The following PDE11A variants were observed in gnomAD, a reference collection of about 807,000 sequenced individuals.
PDE11A encodes phosphodiesterase 11A.
A neutral mutation model predicts 100.5 loss-of-function variants in PDE11A; 100 were observed. The observed-to-expected ratio is 1.00, with a 90% CI of 0.85 to 1.18. The LOEUF is 1.18. Among genes scored for constraint, PDE11A ranks in the 50% most tolerant of loss-of-function variants. The pLI is 0.00. For synonymous variants in PDE11A, 381 were observed against 420.8 expected (o/e 0.91, Z 1.16); for missense variants, 1,141 against 1,152.6 (o/e 0.99, Z 0.15).
chr2:177,990,209 A>G (rs1450883050), intron 2 of PDE11A, among the ~76,000 whole-genome samples: 1 of 152,242 alleles, frequency 6.6e-6, no homozygotes, highest in Non-Finnish European at 1.5e-5. Flanking sequence ...TACTCTTTTC[A>G]GAAAGAAACA....
At chr2:177,959,006 G>T (rs151232150) in intron 2 of PDE11A, among the ~76,000 whole-genome samples, 2 of 152,332 alleles carry the variant, frequency 1.3e-5, no homozygotes, top group East Asian at 3.9e-4. Flanking sequence ...TGCCATAGTG[G>T]AGGAGGTAGA....
In PDE11A at chr2:177,947,566, C is replaced by T. The variant is rs577154787; in HGVS notation, c.1072-42379G>A. Among the ~76,000 whole-genome samples the T allele has an allele frequency of 6.3e-4, 96 of 151,934 alleles. 1 individual carries two copies. Among genetic ancestry groups the T allele is most frequent in the African/African-American group, 2.1e-3 (89 of 41,486 alleles). On this transcript the variant is annotated intron_variant, in intron 2 of 19. Transcript: ENST00000286063. ...GCTTTGTTAAACAGATGCTTGAAGG[C>T]AGCATGCTCGTTAAGAGTCATCACC...
chr2:177,970,393 G>A (rs189638186), intron 2 of PDE11A, among the ~76,000 whole-genome samples: 16 of 152,102 alleles, frequency 1.1e-4, no homozygotes, highest in Admixed American at 3.3e-4. Flanking sequence ...AGGTCACATC[G>A]ATAGACTTTG....
chr2:177,663,645 G>C (rs770976119), intron 19 of PDE11A, among the ~76,000 whole-genome samples: 2 of 152,088 alleles, frequency 1.3e-5, no homozygotes, highest in Non-Finnish European at 2.9e-5. Flanking sequence ...GGCCCATGGA[G>C]ATTATATCCT....
intron 2 of PDE11A, among the ~76,000 whole-genome samples, chr2:177,920,666 T>C (rs1369676503): frequency 6.6e-6 from 1 of 152,190 alleles, no homozygotes; most frequent in Non-Finnish European, 1.5e-5. Flanking sequence ...ACAATTCTAT[T>C]CTTAGAAATT....
Position 178,071,977 on chromosome 2 carries a change from C to A in PDE11A, c.461G>T (p.Arg154Leu), listed in dbSNP as rs1457688906. 7 of 1,613,918 alleles carry A rather than the reference C, an allele frequency of 4.3e-6. No individual in the cohort carries two copies. Among genetic ancestry groups the A allele is most frequent in the Non-Finnish European group, 5.9e-6 (7 of 1,179,918 alleles). ...RAQEPLSSVRRRALLRKASSL... is the reference protein window; with the variant it reads ...RAQEPLSSVRLRALLRKASSL... ...GCTTGCCTTCCGGAGAAGTGCCCTCCGTCGTACACTACTCAGGGGTTCCTG... is the reference window on the plus strand; with the variant it reads ...GCTTGCCTTCCGGAGAAGTGCCCTCAGTCGTACACTACTCAGGGGTTCCTG... Residue 154 changes from arginine (R) to leucine (L), a missense_variant, in exon 1 of 20, where the codon CGG (arginine) becomes CTG (leucine). By Grantham distance (102) the Arg-to-Leu change is moderately radical (BLOSUM62 -2). Coordinates refer to ENST00000286063, the MANE Select transcript of PDE11A (RefSeq NM_016953.4).
At chr2:177,899,391 A>C (rs905471468) in intron 3 of PDE11A, 5 of 185,738 alleles carry the variant, frequency 2.7e-5, no homozygotes, top group Non-Finnish European at 6.0e-5. Context: ...TGGACAACAG[A>C]GTGAGACTCT....
chr2:177,940,195 G>A (rs189523325), intron 2 of PDE11A, among the ~76,000 whole-genome samples: 73 of 152,184 alleles, frequency 4.8e-4, no homozygotes, highest in South Asian at 1.5e-3. Flanking sequence ...TATCTAATCT[G>A]CACAGGATGA....
intron 2 of PDE11A, among the ~76,000 whole-genome samples, chr2:177,992,449 AAGT>A: frequency 7.0e-6 from 1 of 143,718 alleles, no homozygotes; most frequent in Admixed American, 7.1e-5. Context: ...TGGTAAACAG[AAGT>A]TACCAAAATA....
intron 13 of PDE11A, among the ~76,000 whole-genome samples, chr2:177,701,649 G>A (rs1260018470): frequency 1.3e-5 from 2 of 152,224 alleles, no homozygotes; most frequent in African/African-American, 4.8e-5. Context: ...GATCAGGGAA[G>A]CTTCATGAAC....
intron 13 of PDE11A, among the ~76,000 whole-genome samples, chr2:177,706,889 G>GT: frequency 1.3e-5 from 1 of 78,986 alleles, no homozygotes; most frequent in South Asian, 4.1e-4. Context: ...GGGGACCTCG[G>GT]TTTTTGTTTT....
chr2:177,930,888 A>G (rs2085196312), intron 2 of PDE11A, among the ~76,000 whole-genome samples: 1 of 152,232 alleles, frequency 6.6e-6, no homozygotes, highest in African/African-American at 2.4e-5. Context: ...GCTTAGCCTC[A>G]ACTGGTCTCT....
chr2:177,898,238 ACTG>A, intron 3 of PDE11A, 40 bp from the exon 4 acceptor site: 1 of 1,488,974 alleles, frequency 6.7e-7, no homozygotes, highest in Non-Finnish European at 9.3e-7. Context: ...TGGATGTAAA[ACTG>A]AAAAAAAGTT....
intron 9 of PDE11A, among the ~76,000 whole-genome samples, chr2:177,780,410 C>A (rs188903964): frequency 2.0e-5 from 3 of 151,998 alleles, no homozygotes; most frequent in Non-Finnish European, 4.4e-5. Context: ...TCTTAAGGGC[C>A]CGAGGATTTT....
intron 2 of PDE11A, among the ~76,000 whole-genome samples, chr2:177,980,683 T>C (rs2085869853): frequency 6.6e-6 from 1 of 150,782 alleles, no homozygotes. Context: ...TTCACTCTGT[T>C]GCACATATTA....
chr2:177,870,763 A>C (rs2084116747), intron 5 of PDE11A, among the ~76,000 whole-genome samples: 1 of 152,230 alleles, frequency 6.6e-6, no homozygotes, highest in Non-Finnish European at 1.5e-5. Context: ...TAGGAAAAAA[A>C]CGGGATAATT....
chr2:177,987,425 T>C (rs1312235619), intron 2 of PDE11A, among the ~76,000 whole-genome samples: 3 of 152,218 alleles, frequency 2.0e-5, no homozygotes, highest in African/African-American at 7.2e-5. Flanking sequence ...GACGTTCTTA[T>C]TGAAATGTTT....
At chr2:177,772,051 C>T (rs6706739) in intron 9 of PDE11A, among the ~76,000 whole-genome samples, 47,052 of 151,762 alleles carry the variant, frequency 0.31, 8,341 homozygotes, top group African/African-American at 0.47. Context: ...ACTTTCTGAT[C>T]ATAACTAATA....
rs1359240165 is a variant in PDE11A, at chr2:177,636,328, A to G, written c.2647-6766T>C. 3.3e-5 allele frequency among the ~76,000 whole-genome samples: 5 copies of G among 152,240 alleles called. No homozygotes were observed. In the East Asian group the frequency reaches 9.7e-4, roughly 29 times the overall value. ...TTGGTATCACTGAAGCATCATAATC[A>G]TGTTGTCCAGAAGGTTTTGATTTTA... On this transcript the variant is annotated intron_variant, in intron 19 of 19. Coordinates refer to ENST00000286063, the MANE Select transcript of PDE11A (RefSeq NM_016953.4).
Sources: allele counts gnomAD v4.1 joint callset (sites outside exome capture counted in the v4.1 genomes callset), GRCh38; gene constraint gnomAD v4.1.1; transcripts MANE v1.5; gene names NCBI Gene and HGNC (gene_info 2026-07-23, HGNC 2026-07-21).